Variants in DENND2B observed in about 807,000 individuals in gnomAD.
The protein encoded by DENND2B is DENN domain containing 2B.
A neutral mutation model predicts 116.0 loss-of-function variants in DENND2B; 32 were observed. The ratio of observed to expected loss-of-function variants is 0.28; its 90% CI spans 0.21 to 0.37. The LOEUF is 0.37. Among genes scored for constraint, DENND2B ranks in the 10% least tolerant of loss-of-function variants. The pLI, the probability that DENND2B is intolerant of heterozygous loss-of-function variation, is 1.00. For missense variants in DENND2B, 1,276 were observed against 1,477.7 expected (o/e 0.86, Z 2.24); for synonymous variants, 588 against 583.9 (o/e 1.01, Z -0.10).
chr11:8,767,984 C>T (rs971587568), intron 1 of DENND2B, among the ~76,000 whole-genome samples: 2 of 151,892 alleles, frequency 1.3e-5, no homozygotes, highest in Non-Finnish European at 2.9e-5. Flanking sequence ...CTCATCTATA[C>T]CAAGGGGAGT....
intron 2 of DENND2B, among the ~76,000 whole-genome samples, chr11:8,744,964 A>C (rs2050972033): frequency 6.6e-6 from 1 of 150,500 alleles, no homozygotes; most frequent in Admixed American, 6.6e-5. Flanking sequence ...GTCTATGCCC[A>C]AGCTGAAGTG....
At chr11:8,853,913 A>G (rs2063101051) in intron 3 of DENND2B, among the ~76,000 whole-genome samples, 1 of 152,004 alleles carries the variant, frequency 6.6e-6, no homozygotes, top group Admixed American at 6.5e-5. Flanking sequence ...CAATGGCACA[A>G]TCACAGCTCA....
At chr11:8,742,059 T>TTTA (rs1207365686) in intron 2 of DENND2B, among the ~76,000 whole-genome samples, 1 of 152,102 alleles carries the variant, frequency 6.6e-6, no homozygotes, top group East Asian at 1.9e-4. Context: ...CTGGGCTAAT[T>TTTA]TTATTATTAT....
intron 2 of DENND2B, among the ~76,000 whole-genome samples, chr11:8,867,194 G>T (rs1394056227): frequency 6.6e-6 from 1 of 152,162 alleles, no homozygotes; most frequent in African/African-American, 2.4e-5. Flanking sequence ...AATCCAGATT[G>T]TATTCAAAGC....
intron 2 of DENND2B, among the ~76,000 whole-genome samples, chr11:8,749,461 T>A (rs890124864): frequency 3.9e-5 from 6 of 152,180 alleles, no homozygotes; most frequent in African/African-American, 1.4e-4. Context: ...CAAGTCAGAG[T>A]CCATCAAACC....
chr11:8,899,505 T>A (rs565508786), intron 1 of DENND2B, among the ~76,000 whole-genome samples: 1 of 152,236 alleles, frequency 6.6e-6, no homozygotes, highest in Non-Finnish European at 1.5e-5. Context: ...AACAGATGAC[T>A]TTTTATCAGA....
chr11:8,840,135 A>C (rs1197292720), intron 3 of DENND2B, among the ~76,000 whole-genome samples: 1 of 152,146 alleles, frequency 6.6e-6, no homozygotes, highest in Non-Finnish European at 1.5e-5. Flanking sequence ...AATGAGACTA[A>C]TGTAAACAGG....
At position 8,816,948 on chromosome 11, in the gene DENND2B, G is replaced by A. The variant is rs80292903; in HGVS notation, c.-114-5613C>T. 6.6e-5 allele frequency among the ~76,000 whole-genome samples: 10 copies of A among 152,310 alleles called. No homozygotes were observed. The East Asian group carries it at 1.9e-3, about 29-fold the overall frequency. On this transcript the variant is annotated intron_variant, in intron 4 of 6. Transcript: ENST00000524757. ...AGCAGCAGAAAGACTCCTTTCAGCAGAGCCCCGGGCTTGGGGCTTTGGGAT... is the reference window on the plus strand; with the variant it reads ...AGCAGCAGAAAGACTCCTTTCAGCAAAGCCCCGGGCTTGGGGCTTTGGGAT...
At position 8,726,209 on chromosome 11, in the gene DENND2B, T is replaced by C; in HGVS notation, c.1341A>G (p.Arg447=). ...ATGCATCCTCAAACTCAAAGGATTT[T>C]CTGTGGATAACAAGAGCAAGAGTCA... ...DMRGHRKSQS[R]KSFEFEDASS... Residue 447 remains arginine, a splice_region_variant and synonymous_variant, in exon 4 of 20, where the codon AGA becomes AGG. Transcript: ENST00000313726. 6.2e-7 allele frequency: 1 copy of C among 1,607,704 alleles called. No homozygotes were observed. The highest frequency in any genetic ancestry group is 1.3e-5 in the African/African-American group (1 of 74,736).
At chr11:8,769,356 G>C (rs1319741742) in intron 1 of DENND2B, among the ~76,000 whole-genome samples, 1 of 151,314 alleles carries the variant, frequency 6.6e-6, no homozygotes. Flanking sequence ...TCGTGCCTCA[G>C]CCTCCTGAGT....
At position 8,802,050 on chromosome 11, in the gene DENND2B, C is replaced by G. The variant is rs1021999434; in HGVS notation, c.-26+8467G>C. On this transcript the variant is annotated intron_variant, in intron 1 of 19. Transcript: ENST00000313726. ...GTGCAGTGGCTCACACCTATAATCC[C>G]AGCACTTTGGGAGGCCTAGGCAGGT... is the stretch of plus-strand genomic sequence containing the variant. Among the ~76,000 whole-genome samples the G allele has an allele frequency of 2.7e-4, 40 of 149,204 alleles. 1 individual carries two copies. Among genetic ancestry groups the G allele is most frequent in the East Asian group, 4.0e-4 (2 of 5,044 alleles).
chr11:8,752,455 A>AC (rs1196930157), intron 1 of DENND2B, among the ~76,000 whole-genome samples: 1 of 151,870 alleles, frequency 6.6e-6, no homozygotes, highest in African/African-American at 2.4e-5. Flanking sequence ...CTGTCTCAAA[A>AC]AAAAAAGAGA....
chr11:8,875,033 AGT>A (rs2063827501), upstream of DENND2B, among the ~76,000 whole-genome samples: 2 of 152,160 alleles, frequency 1.3e-5, no homozygotes, highest in Non-Finnish European at 2.9e-5. Flanking sequence ...GATGACTTTA[AGT>A]GTTCTAGGCC....
chr11:8,870,552 A>C (rs536496378), intron 2 of DENND2B, among the ~76,000 whole-genome samples: 9 of 150,726 alleles, frequency 6.0e-5, no homozygotes, highest in African/African-American at 2.2e-4. Context: ...TTCTTCAAGG[A>C]GCCTGCATAC....
chr11:8,882,052 C>T (rs1365926369), intron 1 of DENND2B, among the ~76,000 whole-genome samples: 1 of 151,988 alleles, frequency 6.6e-6, no homozygotes, highest in Admixed American at 6.6e-5. Context: ...ATCTTATCTA[C>T]TTGCATGGTT....
At chr11:8,791,531 C>A (rs909595024) in intron 1 of DENND2B, among the ~76,000 whole-genome samples, 3 of 152,038 alleles carry the variant, frequency 2.0e-5, no homozygotes, top group Admixed American at 1.3e-4. Context: ...ATTTGGGAGG[C>A]CGAGGCAGGC....
chr11:8,715,334 C>A, intron 6 of DENND2B: 1 of 475,782 alleles, frequency 2.1e-6, no homozygotes. Flanking sequence ...CCCCAAAATT[C>A]ATACACCACA....
At chr11:8,821,521 G>C (rs1199854009) in intron 4 of DENND2B, among the ~76,000 whole-genome samples, 1 of 151,922 alleles carries the variant, frequency 6.6e-6, no homozygotes, top group African/African-American at 2.4e-5. Context: ...AGAGGCTGCA[G>C]TGAACAGTGA....
At chr11:8,783,085 C>T (rs112588318) in intron 1 of DENND2B, among the ~76,000 whole-genome samples, 3 of 135,442 alleles carry the variant, frequency 2.2e-5, no homozygotes, top group East Asian at 2.2e-4. Flanking sequence ...GATGGGGTCT[C>T]GCTCTATTGC....
Sources: gnomAD v4.1 joint callset for allele counts (sites outside exome capture counted in the v4.1 genomes callset) on GRCh38, gnomAD v4.1.1 for gene constraint, MANE v1.5 for transcripts, NCBI Gene and HGNC (gene_info 2026-07-23, HGNC 2026-07-21) for gene names.